Variants in RAB37 observed in about 807,000 individuals in gnomAD.
The protein encoded by RAB37 is ras-related protein Rab-37.
RAB37 carries 29 observed loss-of-function variants against 33.1 expected under a neutral mutation model. That is an observed-to-expected ratio of 0.88 (90% confidence interval 0.65 to 1.20). RAB37 has a LOEUF of 1.20. Ranked by LOEUF, RAB37 falls within the 50% of genes most tolerant of loss-of-function variation. The pLI, the probability that RAB37 is intolerant of heterozygous loss-of-function variation, is 0.00. For synonymous variants in RAB37, 128 were observed against 119.5 expected (o/e 1.07, Z -0.47); for missense variants, 299 against 301.1 (o/e 0.99, Z 0.05).
rs1228017311 is a variant in RAB37 at position 74,744,445 on chromosome 17, A to G, written c.432+72A>G. On this transcript the variant is annotated intron_variant, in intron 6 of 8. Transcript: ENST00000392613. The surrounding 1 kb of genome is among the most constrained non-coding windows in gnomAD (Gnocchi z 4.2). ...CCCTAGCCGGCCCCATAACCACCCA[A>G]GAACAGTTATCTAGGCATCCTTCCT... is the stretch of plus-strand genomic sequence containing the variant. 7.0e-7 allele frequency: 1 copy of G among 1,426,040 alleles called. No homozygotes were observed. The highest frequency in any genetic ancestry group is 1.4e-5 in the African/African-American group (1 of 71,242). 88.3% of individuals were successfully genotyped at this position (1,426,040 alleles called of 1,614,324 possible).
intron 1 of RAB37, chr17:74,698,574 A>G: frequency 6.6e-7 from 1 of 1,524,706 alleles, no homozygotes; most frequent in Non-Finnish European, 8.8e-7. Context: ...AGGGCCACAC[A>G]CCTGATGAGC....
At chr17:74,708,506 T>C (rs1443103710) in intron 1 of RAB37, among the ~76,000 whole-genome samples, 1 of 152,120 alleles carries the variant, frequency 6.6e-6, no homozygotes, top group Non-Finnish European at 1.5e-5. Flanking sequence ...TTAACATAAA[T>C]GCAAAAACCT....
rs2034369702 is a variant in RAB37, at chr17:74,730,366, A to T, written c.183+1000A>T. Among the ~76,000 whole-genome samples the T allele has an allele frequency of 6.6e-6, 1 of 152,198 alleles. No homozygotes were observed. Among genetic ancestry groups the T allele is most frequent in the Non-Finnish European group, 1.5e-5 (1 of 68,018 alleles). On this transcript the variant is annotated intron_variant, in intron 2 of 7. Transcript: ENST00000340415. This position sits in a 1 kb window ranked among gnomAD's most constrained non-coding sequence, Gnocchi z 4.4. Reference sequence around the variant, plus strand: ...TGGGAAGAGAGAGAGGAAAACTCAGAAAAATGGGCTTGCCCACTGGGTCAC... The same window carrying T: ...TGGGAAGAGAGAGAGGAAAACTCAGTAAAATGGGCTTGCCCACTGGGTCAC...
intron 1 of RAB37, among the ~76,000 whole-genome samples, chr17:74,685,025 G>A (rs1371594719): frequency 1.3e-5 from 2 of 149,698 alleles, no homozygotes; most frequent in Non-Finnish European, 3.0e-5. Context: ...CTCATAGAAA[G>A]GTACAAAAAC....
rs934232139 is a variant in RAB37, at chr17:74,705,066, C to T, written c.73-24190C>T. 3.7e-5 allele frequency: 23 copies of T among 620,208 alleles called. 1 individual carries two copies. The South Asian group carries it at 3.9e-4, about 11-fold the overall frequency. The allele number at this position is 620,208 out of a possible 1,614,324, so 38.4% of individuals were successfully genotyped here. A position where few individuals can be genotyped will look rare whatever the true frequency, so the allele number is the denominator to read the frequency against. ...ATATTGGCATAAGCAATAATAACTT[C>T]CTGCAGTTCACCCCTCTCTCCACCC... On this transcript the variant is annotated intron_variant, in intron 1 of 7. Coordinates refer to the RAB37 transcript ENST00000340415.
intron 1 of RAB37, among the ~76,000 whole-genome samples, chr17:74,672,023 C>A (rs916023561): frequency 6.6e-6 from 1 of 152,088 alleles, no homozygotes; most frequent in African/African-American, 2.4e-5. Context: ...TAGCAGTGGC[C>A]AAATACCTGA....
At chr17:74,695,495 C>G (rs2032357379) in intron 1 of RAB37, among the ~76,000 whole-genome samples, 1 of 152,200 alleles carries the variant, frequency 6.6e-6, no homozygotes, top group African/African-American at 2.4e-5. Context: ...CTCAGCCTGT[C>G]TGGGACTCTG....
chr17:74,744,403 G>A lies in RAB37; in HGVS notation c.432+30G>A, dbSNP rs1177570373. The A allele has an allele frequency of 1.2e-6, 2 of 1,608,706 alleles. No individual in the cohort carries two copies. Among genetic ancestry groups the A allele is most frequent in the East Asian group, 2.2e-5 (1 of 44,836 alleles). On this transcript the variant is annotated intron_variant, in intron 6 of 8. Coordinates refer to ENST00000392613, the MANE Select transcript of RAB37 (RefSeq NM_001006638.3). This position sits in a 1 kb window ranked among gnomAD's most constrained non-coding sequence, Gnocchi z 4.2. ...GTGGCTCCGGGGCAGGGTCAGCCCA[G>A]CCCTGCACTTCCTCAGCCCTAGCCG...
intron 1 of RAB37, among the ~76,000 whole-genome samples, chr17:74,714,713 G>T (rs1028912737): frequency 2.0e-5 from 3 of 152,124 alleles, no homozygotes; most frequent in Non-Finnish European, 4.4e-5. Context: ...AAGGAAGAAA[G>T]GAAGGACCAG....
At chr17:74,735,018 G>GAAGGAAGGAAGGAAGAAAGA (rs1207905817), upstream of RAB37, among the ~76,000 whole-genome samples, 7 of 82,312 alleles carry the variant, frequency 8.5e-5, no homozygotes, top group African/African-American at 4.4e-4. Context: ...AGGAAGGAAG[G>GAAGGAAGGAAGGAAGAAAGA]AAGAAAGAAA....
intron 1 of RAB37, chr17:74,704,708 T>C: frequency 1.2e-6 from 2 of 1,614,160 alleles, no homozygotes; most frequent in Non-Finnish European, 1.7e-6. Context: ...ACACCACCAC[T>C]TCAAGTAGGT....
chr17:74,682,518 C>T (rs2031974982), intron 1 of RAB37, among the ~76,000 whole-genome samples: 2 of 152,148 alleles, frequency 1.3e-5, no homozygotes, highest in South Asian at 2.1e-4. Flanking sequence ...AATACTATAG[C>T]CAGAGGGTAG....
chr17:74,700,052 G>C (rs2032893902), intron 1 of RAB37, among the ~76,000 whole-genome samples: 1 of 152,060 alleles, frequency 6.6e-6, no homozygotes. Flanking sequence ...TGAGGTGGGA[G>C]AATTGCTTGA....
At chr17:74,733,490 G>GGTGTT, upstream of RAB37, among the ~76,000 whole-genome samples, 1 of 152,306 alleles carries the variant, frequency 6.6e-6, no homozygotes, top group South Asian at 2.1e-4. Flanking sequence ...TGAGGTGTGT[G>GGTGTT]GTGTGATTTG....
intron 1 of RAB37, among the ~76,000 whole-genome samples, chr17:74,687,787 G>T (rs2032084209): frequency 6.6e-6 from 1 of 152,168 alleles, no homozygotes; most frequent in South Asian, 2.1e-4. Flanking sequence ...GCGGGTCCAT[G>T]CCTGGAGAAC....
intron 1 of RAB37, among the ~76,000 whole-genome samples, chr17:74,737,896 G>C (rs776184137): frequency 6.6e-6 from 1 of 152,152 alleles, no homozygotes; most frequent in Non-Finnish European, 1.5e-5. Context: ...CCCTGCAGTC[G>C]GAAGCCGCTC....
intron 2 of RAB37, 55 bp downstream of exon 2, chr17:74,740,933 C>A: frequency 7.4e-7 from 1 of 1,349,350 alleles, no homozygotes; most frequent in Non-Finnish European, 1.1e-6. Context: ...GTGGCTCAGG[C>A]ATGGGGGGGT....
At chr17:74,705,350 A>C (rs2033422297) in intron 1 of RAB37, 1 of 664,890 alleles carries the variant, frequency 1.5e-6, no homozygotes, top group African/African-American at 1.8e-5. Context: ...AGTTGATCAA[A>C]ACAGCAACGG....
At chr17:74,696,340 G>C in intron 1 of RAB37, 1 of 1,001,086 alleles carries the variant, frequency 1.0e-6, no homozygotes, top group South Asian at 1.7e-5. Flanking sequence ...CAGAGACAGG[G>C]ACCTGGTTCT....
Sources: gnomAD v4.1 joint callset for allele counts (sites outside exome capture counted in the v4.1 genomes callset) on GRCh38, gnomAD v4.1.1 for gene constraint, Gnocchi (gnomAD v3.1) non-coding constraint, MANE v1.5 for transcripts, NCBI Gene and HGNC (gene_info 2026-07-23, HGNC 2026-07-21) for gene names.